ZNF37A: variants seen among roughly 807,000 people sequenced by gnomAD.
The protein encoded by ZNF37A is zinc finger protein 37a (KOX 21).
In ZNF37A, 10 loss-of-function variants were observed where a neutral mutation model predicts 12.3. That is an observed-to-expected ratio of 0.82 (90% confidence interval 0.50 to 1.38). ZNF37A has a LOEUF of 1.38. ZNF37A is among the 40% of genes most tolerant of loss of function. ZNF37A has a pLI of 0.00. For missense variants in ZNF37A, 580 were observed against 651.2 expected, an observed-to-expected ratio of 0.89 and a Z score of 1.19; for synonymous variants, 207 against 223.0, an observed-to-expected ratio of 0.93 and a Z score of 0.64.
chr10:38,135,638 A>G (rs1357163534), intron 7 of ZNF37A, among the ~76,000 whole-genome samples: 1 of 152,224 alleles, frequency 6.6e-6, no homozygotes, highest in African/African-American at 2.4e-5. Context: ...GACACTGGGT[A>G]TTTAAAAAGA....
chr10:38,140,732 T>A (rs1045854249), intron 7 of ZNF37A: 3 of 152,164 alleles, frequency 2.0e-5, no homozygotes, highest in African/African-American at 7.2e-5. Context: ...TTCTCCAATA[T>A]AATGATTCAG....
chr10:38,118,712 A>G lies in ZNF37A; in HGVS notation c.1561A>G (p.Lys521Glu), dbSNP rs1323924591. Residue 521 changes from lysine to glutamate, a missense_variant, in exon 8 of 8, where the codon AAA (lysine) becomes GAA (glutamate). Physicochemically the swap from Lys to Glu is moderately conservative, Grantham distance 56. Transcript: ENST00000685332. Reference sequence around the variant, plus strand: ...ACATCATAGAACACACACAGGGGAGAAACCCTATGAATGTAATGTTTGTGG... The same window carrying G: ...ACATCATAGAACACACACAGGGGAGGAACCCTATGAATGTAATGTTTGTGG... Reference protein sequence around the residue: ...IAHHRTHTGEKPYECNVCGKS... With the variant: ...IAHHRTHTGEEPYECNVCGKS... 6.2e-7 allele frequency: 1 copy of G among 1,613,988 alleles called. No homozygotes were observed. The highest frequency in any genetic ancestry group is 8.5e-7 in the Non-Finnish European group (1 of 1,179,962).
intron 7 of ZNF37A, chr10:38,137,358 C>T (rs796977032): frequency 6.6e-6 from 1 of 152,172 alleles, no homozygotes; most frequent in Non-Finnish European, 1.5e-5. Flanking sequence ...AGGTCTTATT[C>T]AGGTCATTAC....
chr10:38,137,781 A>G (rs925486479), intron 7 of ZNF37A: 7 of 152,240 alleles, frequency 4.6e-5, no homozygotes, highest in African/African-American at 1.7e-4. Context: ...GGAAGCTGCA[A>G]GTGTTCAAAA....
chr10:38,115,257 T>G lies in ZNF37A; in HGVS notation c.205T>G (p.Leu69Val). 6.2e-7 allele frequency: 1 copy of G among 1,613,762 alleles called. No homozygotes were observed. Among genetic ancestry groups the G allele is most frequent in the Non-Finnish European group, 8.5e-7 (1 of 1,179,920 alleles). Residue 69 changes from leucine (L) to valine (V), a missense_variant, in exon 7 of 8, where the codon TTA (leucine) becomes GTA (valine). Leu to Val is a conservative substitution (Grantham distance 32, BLOSUM62 1). Transcript: ENST00000685332. ...KLEKGEEPWI[L>V]EEKFPSQSHL... The stretch of plus-strand genomic sequence containing the variant: ...GGAGAAAGGCGAGGAGCCATGGATA[T>G]TAGAGGAAAAATTTCCAAGCCAGAG...
chr10:38,094,360 C>CCAA lies in ZNF37A; in HGVS notation c.-621_-620insAAC, dbSNP rs2066955630. On this transcript the variant is annotated 5_prime_UTR_variant, in exon 1 of 8. Coordinates refer to ENST00000685332, the MANE Select transcript of ZNF37A (RefSeq NM_001324250.3). ...GGGAGATGTAGTGTGCACTTTTCGGCCCCCGTCGCGGGAGCCGCTTCGGGC... is the reference window on the plus strand; with the variant it reads ...GGGAGATGTAGTGTGCACTTTTCGGCCAACCCCGTCGCGGGAGCCGCTTCGGGC... The CCAA allele has an allele frequency of 6.6e-6, 1 of 151,456 alleles. No individual in the cohort carries two copies. The highest frequency in any genetic ancestry group is 2.4e-5 in the African/African-American group (1 of 41,014). 9.4% of individuals were successfully genotyped at this position (151,456 alleles called of 1,614,324 possible).
rs1248575110 is a variant in ZNF37A, at chr10:38,096,509, T to G, written c.-44-65T>G. The stretch of plus-strand genomic sequence containing the variant: ...GAGTATCTCCCTTTCAGAGATGTTT[T>G]GCCGGCTGCGAAGTGGACCTTTTAA... On this transcript the variant is annotated intron_variant, in intron 4 of 7. Transcript: ENST00000685332. The G allele has an allele frequency of 7.3e-6, 8 of 1,094,198 alleles. No individual in the cohort carries two copies. The Admixed American group carries it at 1.0e-4, about 14-fold the overall frequency. The allele number at this position is 1,094,198 out of a possible 1,614,324, so 67.8% of individuals were successfully genotyped here.
intron 7 of ZNF37A, chr10:38,139,766 G>A (rs2070157561): frequency 6.6e-6 from 1 of 151,982 alleles, no homozygotes; most frequent in African/African-American, 2.4e-5. Flanking sequence ...AAATATTGAT[G>A]GTGTCTCAAA....
At chr10:38,144,858 G>T (rs549084812) in intron 7 of ZNF37A, among the ~76,000 whole-genome samples, 73 of 152,150 alleles carry the variant, frequency 4.8e-4, no homozygotes, top group Admixed American at 3.6e-3. Context: ...CTACCCAGCT[G>T]CATACAAAAC....
intron 7 of ZNF37A, among the ~76,000 whole-genome samples, chr10:38,146,323 C>A (rs2070253504): frequency 6.6e-6 from 1 of 152,086 alleles, no homozygotes; most frequent in South Asian, 2.1e-4. Flanking sequence ...GTTGCCCAGG[C>A]TGGAGTACAG....
At chr10:38,140,123 A>G (rs1306698515) in intron 7 of ZNF37A, 2 of 152,256 alleles carry the variant, frequency 1.3e-5, no homozygotes, top group East Asian at 1.9e-4. Context: ...TCGTGGATCC[A>G]TAACTCTACA....
exon 8 of ZNF37A, chr10:38,147,225 C>T (rs1319664499): frequency 6.6e-6 from 1 of 152,512 alleles, no homozygotes; most frequent in Non-Finnish European, 1.5e-5. Flanking sequence ...TCTTTATGGC[C>T]AGTTTCTTTA....
chr10:38,104,277 G>T (rs575354546), intron 5 of ZNF37A, among the ~76,000 whole-genome samples: 2 of 152,242 alleles, frequency 1.3e-5, no homozygotes, highest in Middle Eastern at 3.4e-3. Context: ...AGACAAGCCT[G>T]TGAGCCACTT....
At chr10:38,112,491 C>G (rs2068773880) in intron 5 of ZNF37A, among the ~76,000 whole-genome samples, 1 of 151,366 alleles carries the variant, frequency 6.6e-6, no homozygotes, top group Non-Finnish European at 1.5e-5. Flanking sequence ...TGTGCAACCT[C>G]AGACATAAAC....
chr10:38,136,408 C>A (rs2070108366), intron 7 of ZNF37A, among the ~76,000 whole-genome samples: 1 of 152,200 alleles, frequency 6.6e-6, no homozygotes. Context: ...CCCACCTCGG[C>A]CTCCCAAAGT....
At chr10:38,135,101 T>C (rs973314383) in intron 7 of ZNF37A, among the ~76,000 whole-genome samples, 1 of 152,226 alleles carries the variant, frequency 6.6e-6, no homozygotes, top group African/African-American at 2.4e-5. Context: ...AAAAACTGTT[T>C]CTTGGCTGGG....
At chr10:38,109,972 A>G (rs772715230) in intron 5 of ZNF37A, among the ~76,000 whole-genome samples, 7 of 152,236 alleles carry the variant, frequency 4.6e-5, no homozygotes, top group Non-Finnish European at 7.3e-5. Context: ...AACATTCTTC[A>G]CAGAATTAGA....
intron 4 of ZNF37A, 110 bp from the exon 5 acceptor site, chr10:38,096,464 A>G: frequency 1.4e-6 from 1 of 700,080 alleles, no homozygotes; most frequent in Non-Finnish European, 2.5e-6. Flanking sequence ...TAATCATGCC[A>G]GAGTCATGCA....
intron 7 of ZNF37A, chr10:38,138,156 T>A (rs1485026278): frequency 6.6e-6 from 1 of 152,240 alleles, no homozygotes; most frequent in Non-Finnish European, 1.5e-5. Context: ...TATAATTGCC[T>A]TGCTTTGCCA....
Sources: gnomAD v4.1 joint callset for allele counts (sites outside exome capture counted in the v4.1 genomes callset) on GRCh38, gnomAD v4.1.1 for gene constraint, MANE v1.5 for transcripts, NCBI Gene and HGNC (gene_info 2026-07-23, HGNC 2026-07-21) for gene names.